Variants in F9 observed in about 807,000 individuals in gnomAD.
F9 encodes coagulation factor IX, also known as Christmas factor.
Under a neutral mutation model 34.1 loss-of-function variants are expected in F9, and 2 were observed. The observed-to-expected ratio is 0.06, with a 90% CI of 0.02 to 0.18. F9 has a LOEUF of 0.18. F9 is among the 10% of genes least tolerant of loss of function. F9 has a pLI of 1.00. For synonymous variants in F9, 137 were observed against 118.8 expected, an observed-to-expected ratio of 1.15 and a Z score of -1.00; for missense variants, 216 against 345.1, an observed-to-expected ratio of 0.63 and a Z score of 2.96.
At chrX:139,561,039 C>T (rs1357780919) in intron 7 of F9, among the ~76,000 whole-genome samples, 184 bp downstream of exon 7, 2 of 111,403 alleles carry the variant, frequency 1.8e-5, no homozygotes, top group Non-Finnish European at 3.8e-5. Context: ...TTGATATACC[C>T]CTATTATCAC....
chrX:139,530,795 T>C lies in F9; in HGVS notation c.31T>C (p.Ser11Pro). The change falls in exon 1 of 8, where the codon TCA (serine) becomes CCA (proline). Residue 11 changes from serine (S) to proline (P), a missense_variant. Ser to Pro is a moderately conservative substitution (Grantham distance 74, BLOSUM62 -1). Transcript: ENST00000218099. Reference sequence around the variant, plus strand: ...GCGCGTGAACATGATCATGGCAGAATCACCAGGCCTCATCACCATCTGCCT... The same window carrying C: ...GCGCGTGAACATGATCATGGCAGAACCACCAGGCCTCATCACCATCTGCCT... MQRVNMIMAE[S>P]PGLITICLLG... The C allele has an allele frequency of 2.5e-6, 3 of 1,211,079 alleles. No individual in the cohort carries two copies. The highest frequency in any genetic ancestry group is 3.4e-6 in the Non-Finnish European group (3 of 894,713).
intron 4 of F9, among the ~76,000 whole-genome samples, chrX:139,543,466 A>G (rs1927649267): frequency 8.9e-6 from 1 of 112,051 alleles, no homozygotes; most frequent in South Asian, 3.7e-4. Flanking sequence ...ACAAGCCTAT[A>G]AACACCTTCT....
At chrX:139,541,902 T>G (rs189114011) in intron 4 of F9, among the ~76,000 whole-genome samples, 3 of 112,096 alleles carry the variant, frequency 2.7e-5, no homozygotes, top group African/African-American at 9.7e-5. Flanking sequence ...TAAACCCCAG[T>G]GTCCCTTACC....
chrX:139,536,926 AACAAAG>A, intron 1 of F9, 78 bp from the exon 2 acceptor site: 1 of 1,015,219 alleles, frequency 9.9e-7, no homozygotes, highest in Non-Finnish European at 1.4e-6. Flanking sequence ...TTGGATTAAA[AACAAAG>A]ACTTTCTTAA....
At chrX:139,532,456 T>C (rs919747993) in intron 1 of F9, among the ~76,000 whole-genome samples, 1 of 111,867 alleles carries the variant, frequency 8.9e-6, no homozygotes, top group Non-Finnish European at 1.9e-5. Context: ...AGTTTAGTTT[T>C]GTAAAGTGTA....
intron 1 of F9, among the ~76,000 whole-genome samples, chrX:139,532,140 T>G (rs1350402886): frequency 1.8e-5 from 2 of 111,422 alleles, no homozygotes; most frequent in African/African-American, 6.5e-5. Flanking sequence ...GCCTGGGAAA[T>G]AATGACTAGC....
chrX:139,537,894 C>G (rs941456944), intron 3 of F9, among the ~76,000 whole-genome samples: 1 of 111,213 alleles, frequency 9.0e-6, no homozygotes, highest in African/African-American at 3.3e-5. Context: ...GGAATGCTCC[C>G]ACTTTGGAGG....
At chrX:139,537,787 A>C (rs1927518991) in intron 3 of F9, among the ~76,000 whole-genome samples, 1 of 108,356 alleles carries the variant, frequency 9.2e-6, no homozygotes, top group Non-Finnish European at 1.9e-5. Flanking sequence ...GTCCTTCCCC[A>C]CCCTCCCCAT....
chrX:139,551,021 T>C (rs1433188308), intron 5 of F9, 41 bp from the exon 6 acceptor site: 1 of 1,138,186 alleles, frequency 8.8e-7, no homozygotes, highest in Non-Finnish European at 1.2e-6. Flanking sequence ...CATTTGCCAA[T>C]GAGAAATATC....
At chrX:139,552,683 G>T (rs778877515) in intron 6 of F9, among the ~76,000 whole-genome samples, 3 of 112,385 alleles carry the variant, frequency 2.7e-5, no homozygotes, top group Non-Finnish European at 5.6e-5. Context: ...GAGTGCAAGC[G>T]GAGATAGAAC....
At position 139,550,014 on chromosome X, in the gene F9, T is replaced by G. The variant is rs183165594; in HGVS notation, c.521-1048T>G. On this transcript the variant is annotated intron_variant, in intron 5 of 7. Transcript: ENST00000218099. ...TCTGTGTATTTTAACCTTAAAAACC[T>G]AACTTCCAGTATAGACAGATGGCAT... 9.0e-5 allele frequency among the ~76,000 whole-genome samples: 10 copies of G among 111,469 alleles called. No individual in the cohort carries two copies. The East Asian group carries it at 2.5e-3, about 28-fold the overall frequency.
intron 3 of F9, among the ~76,000 whole-genome samples, chrX:139,540,114 A>G (rs748019008): frequency 5.4e-5 from 6 of 110,442 alleles, no homozygotes; most frequent in Non-Finnish European, 9.5e-5. Context: ...CTTCAGGGGT[A>G]TTTTTCTAGT....
At chrX:139,559,326 G>T (rs373934499) in intron 6 of F9, among the ~76,000 whole-genome samples, 1 of 112,450 alleles carries the variant, frequency 8.9e-6, no homozygotes, top group Non-Finnish European at 1.9e-5. Flanking sequence ...AGGCCAAGGC[G>T]GGCGGATCAC....
intron 6 of F9, among the ~76,000 whole-genome samples, chrX:139,553,657 C>CA (rs1927895434): frequency 2.8e-5 from 3 of 108,349 alleles, no homozygotes; most frequent in South Asian, 8.1e-4. Context: ...TCCAAAAATA[C>CA]AAAAAATTAG....
At position 139,562,380 on chromosome X, in the gene F9, A is replaced by T. The variant is rs1326411075; in HGVS notation, c.*309A>T. On this transcript the variant is annotated 3_prime_UTR_variant, in exon 8 of 8. Coordinates refer to ENST00000218099, the MANE Select transcript of F9 (RefSeq NM_000133.4). Reference sequence around the variant, plus strand: ...GGTTCTCCACTATGGCAACTAACTCACTCAATTTTCCCTCCTTAGCAGCAT... The same window carrying T: ...GGTTCTCCACTATGGCAACTAACTCTCTCAATTTTCCCTCCTTAGCAGCAT... 3.6e-6 allele frequency: 1 copy of T among 276,525 alleles called. No individual in the cohort carries two copies. The highest frequency in any genetic ancestry group is 6.4e-6 in the Non-Finnish European group (1 of 156,394). The allele number at this position is 276,525 out of a possible 1,213,427, so 22.8% of individuals were successfully genotyped here. A position where few individuals can be genotyped will look rare whatever the true frequency, so the allele number is the denominator to read the frequency against.
Position 139,562,667 on chromosome X carries a change from C to G in F9, c.*596C>G, listed in dbSNP as rs1928150052. The G allele has an allele frequency of 9.0e-6, 1 of 111,475 alleles. No individual in the cohort carries two copies. The highest frequency in any genetic ancestry group is 1.9e-5 in the Non-Finnish European group (1 of 53,834). The allele number at this position is 111,475 out of a possible 1,213,427, so 9.2% of individuals were successfully genotyped here. ...TCTTACTCCCTCTCTCCCTTTTACCCTCCATGGTCGTTAAAGGAGAGATGG... is the reference window on the plus strand; with the variant it reads ...TCTTACTCCCTCTCTCCCTTTTACCGTCCATGGTCGTTAAAGGAGAGATGG... On this transcript the variant is annotated 3_prime_UTR_variant, in exon 8 of 8. Coordinates refer to ENST00000218099, the MANE Select transcript of F9 (RefSeq NM_000133.4).
intron 4 of F9, among the ~76,000 whole-genome samples, chrX:139,546,047 G>C (rs192492582): frequency 1.4e-3 from 157 of 111,309 alleles, no homozygotes; most frequent in African/African-American, 5.0e-3. Context: ...GTACCAAATA[G>C]TGATCTTTTC....
chrX:139,532,512 T>G (rs401597), intron 1 of F9, among the ~76,000 whole-genome samples: 1 of 110,148 alleles, frequency 9.1e-6, no homozygotes, highest in African/African-American at 3.3e-5. Flanking sequence ...GTTACAACTA[T>G]GGTGCCAGGT....
intron 1 of F9, among the ~76,000 whole-genome samples, chrX:139,536,181 ATATG>A (rs1927459599): frequency 9.4e-6 from 1 of 106,208 alleles, no homozygotes; most frequent in Admixed American, 1.0e-4. Flanking sequence ...GTATACATAT[ATATG>A]TGTACATATA....
Sources: gnomAD v4.1 joint callset for allele counts (sites outside exome capture counted in the v4.1 genomes callset) on GRCh38, gnomAD v4.1.1 for gene constraint, MANE v1.5 for transcripts, NCBI Gene and HGNC (gene_info 2026-07-23, HGNC 2026-07-21) for gene names.